USP8: variants seen among roughly 807,000 people sequenced by gnomAD.
USP8 encodes the protein ubiquitin carboxyl-terminal hydrolase 8.
In USP8, 27 loss-of-function variants were observed where a neutral mutation model predicts 130.0. The observed-to-expected ratio is 0.21, with a 90% CI of 0.15 to 0.29. The LOEUF (loss-of-function observed/expected upper bound fraction) is 0.29, where lower values mean the gene tolerates loss of function less well. Ranked by LOEUF, USP8 falls within the 10% of genes least tolerant of loss-of-function variation. USP8 has a pLI of 1.00. For missense variants in USP8, 1,029 were observed against 1,312.2 expected (o/e 0.78, Z 3.33); for synonymous variants, 392 against 444.1 (o/e 0.88, Z 1.48).
chr15:50,465,294 G>C, intron 7 of USP8, 103 bp downstream of exon 7: 1 of 1,038,534 alleles, frequency 9.6e-7, no homozygotes. Context: ...TGATAAAGTA[G>C]TCTTTTCCTG....
intron 2 of USP8, among the ~76,000 whole-genome samples, chr15:50,440,231 G>A (rs2050211017): frequency 1.3e-5 from 2 of 152,230 alleles, no homozygotes; most frequent in Non-Finnish European, 2.9e-5. Context: ...GAAAGATAAA[G>A]CCACCTTTAG....
At position 50,512,756 on chromosome 15, in the gene USP8, C is replaced by G. The variant is rs2052754234; in HGVS notation, c.*13668C>G. 1 of 152,156 alleles carries G rather than the reference C, an allele frequency of 6.6e-6. No individual in the cohort carries two copies. The highest frequency in any genetic ancestry group is 1.5e-5 in the Non-Finnish European group (1 of 68,090). The allele number at this position is 152,156 out of a possible 1,614,324, so 9.4% of individuals were successfully genotyped here. A position where few individuals can be genotyped will look rare whatever the true frequency, so the allele number is the denominator to read the frequency against. On this transcript the variant is annotated 3_prime_UTR_variant, in exon 20 of 20. Coordinates refer to ENST00000307179, the MANE Select transcript of USP8 (RefSeq NM_005154.5). ...GCAGTGAGCCGAGATCACACCACCG[C>G]ACTCCAGCCTGGGCGACAGAGCCAG...
chr15:50,459,288 A>G (rs1230865287), intron 5 of USP8, 126 bp downstream of exon 5: 1 of 1,327,052 alleles, frequency 7.5e-7, no homozygotes, highest in East Asian at 2.6e-5. Flanking sequence ...TGTTTTAATT[A>G]GAAATTTATT....
rs2051144041 is a variant in USP8 at position 50,465,128 on chromosome 15, A to C, written c.623A>C (p.Gln208Pro). The change falls in exon 7 of 20, where the codon CAG becomes CCG. Residue 208 changes from glutamine (Q) to proline (P), a missense_variant. Gln to Pro is a moderately conservative substitution (Grantham distance 76). Coordinates refer to ENST00000307179, the MANE Select transcript of USP8 (RefSeq NM_005154.5). Reference sequence around the variant, plus strand: ...ATTATAATGGATGCTCGAAGAATGCAGGATTATCAGGATTCCTGTATTTTA... The same window carrying C: ...ATTATAATGGATGCTCGAAGAATGCCGGATTATCAGGATTCCTGTATTTTA... ...SLIIMDARRM[Q>P]DYQDSCILHS... The C allele has an allele frequency of 1.2e-6, 2 of 1,613,924 alleles. No homozygotes were observed. Among genetic ancestry groups the C allele is most frequent in the African/African-American group, 2.7e-5 (2 of 74,930 alleles).
At position 50,477,230 on chromosome 15, in the gene USP8, A is replaced by G. The variant is rs776231741; in HGVS notation, c.995-46A>G. The stretch of plus-strand genomic sequence containing the variant: ...CGCATGAGAAATGTAAGTACTGTGT[A>G]TGGGGTTTGCTATTCTAAAAAACAT... On this transcript the variant is annotated intron_variant, in intron 9 of 19. Coordinates refer to ENST00000307179, the MANE Select transcript of USP8 (RefSeq NM_005154.5). 7 of 1,530,840 alleles carry G rather than the reference A, an allele frequency of 4.6e-6. No individual in the cohort carries two copies. In the East Asian group the frequency reaches 1.6e-4, roughly 35 times the overall value. The allele number at this position is 1,530,840 out of a possible 1,614,324, so 94.8% of individuals were successfully genotyped here.
At chr15:50,458,021 T>TTC (rs556941583) in intron 4 of USP8, among the ~76,000 whole-genome samples, 1 of 152,156 alleles carries the variant, frequency 6.6e-6, no homozygotes, top group Admixed American at 6.6e-5. Context: ...CTGTTTTATC[T>TTC]TCTCTCTCTC....
chr15:50,464,592 C>T (rs1487346346), intron 6 of USP8, among the ~76,000 whole-genome samples: 1 of 152,204 alleles, frequency 6.6e-6, no homozygotes, highest in Non-Finnish European at 1.5e-5. Context: ...TGTGGTGGCT[C>T]ACGCCTGTAA....
At chr15:50,434,259 C>T (rs764289016) in intron 1 of USP8, among the ~76,000 whole-genome samples, 2 of 151,776 alleles carry the variant, frequency 1.3e-5, no homozygotes, top group Admixed American at 1.3e-4. Flanking sequence ...TGCGCCACCA[C>T]GTCCGGCTAA....
In USP8 at chr15:50,489,879, A is replaced by G; in HGVS notation, c.1969A>G (p.Lys657Glu). Residue 657 changes from lysine to glutamate, a missense_variant and splice_region_variant, in exon 13 of 20, where the codon AAG (lysine) becomes GAG (glutamate). Coordinates refer to ENST00000307179, the MANE Select transcript of USP8 (RefSeq NM_005154.5). The part of the protein sequence containing the change: ...IVPGLPSGWA[K>E]FLDPITGTFR... ...ACCAGGACTGCCTTCAGGCTGGGCC[A>G]AGGTAAAAGTCAGAATTAGCAGTAA... 2 of 1,573,634 alleles carry G rather than the reference A, an allele frequency of 1.3e-6. No individual in the cohort carries two copies. The highest frequency in any genetic ancestry group is 1.7e-6 in the Non-Finnish European group (2 of 1,163,816).
intron 6 of USP8, among the ~76,000 whole-genome samples, chr15:50,463,114 T>C (rs1416043785): frequency 2.0e-5 from 3 of 152,054 alleles, no homozygotes; most frequent in Non-Finnish European, 4.4e-5. Context: ...CTGGGTGTGG[T>C]GGTGGATGCC....
At chr15:50,497,062 T>G (rs1179021807) in intron 17 of USP8, 27 bp from the exon 18 acceptor site, 1 of 1,582,220 alleles carries the variant, frequency 6.3e-7, no homozygotes, top group Non-Finnish European at 8.6e-7. Flanking sequence ...AATTAACGAG[T>G]ATCTGCTACT....
At chr15:50,492,521 G>C (rs959964171) in intron 14 of USP8, among the ~76,000 whole-genome samples, 180 bp from the exon 15 acceptor site, 1 of 152,166 alleles carries the variant, frequency 6.6e-6, no homozygotes, top group African/African-American at 2.4e-5. Context: ...TTAGTCGTAT[G>C]ACTAATGTTA....
intron 12 of USP8, 82 bp downstream of exon 12, chr15:50,484,443 A>G (rs4775889): frequency 0.16 from 182,306 of 1,105,046 alleles, 17,463 homozygotes; most frequent in Admixed American, 0.3. Context: ...CCACACTGCT[A>G]TCTTTTATCA....
chr15:50,481,594 T>C lies in USP8; in HGVS notation c.1332T>C (p.Arg444=). The C allele has an allele frequency of 6.2e-7, 1 of 1,614,132 alleles. No homozygotes were observed. The change falls in exon 11 of 20, where the codon CGT becomes CGC. Residue 444 remains arginine, a synonymous_variant. Coordinates refer to ENST00000307179, the MANE Select transcript of USP8 (RefSeq NM_005154.5). ...SPQSGKVIPD[R]STKPVVFSPT... The stretch of plus-strand genomic sequence containing the variant: ...AGAGTGGAAAAGTTATTCCTGATCG[T>C]TCCACCAAGCCAGTAGTTTTTTCTC...
In USP8 at chr15:50,499,000, A is replaced by T; in HGVS notation, c.3269A>T (p.Asp1090Val). ...WFKFDDHEVSDISVSSVKSSA... is the reference protein window; with the variant it reads ...WFKFDDHEVSVISVSSVKSSA... ...AAGTTTGATGATCATGAAGTTTCTG[A>T]TATCTCCGTTTCTTCTGTGAAATCT... The change falls in exon 20 of 20, where the codon GAT becomes GTT. Residue 1090 changes from aspartate (D) to valine (V), a missense_variant. Transcript: ENST00000307179. The T allele has an allele frequency of 1.9e-6, 3 of 1,613,966 alleles. No homozygotes were observed. Among genetic ancestry groups the T allele is most frequent in the Non-Finnish European group, 2.5e-6 (3 of 1,179,906 alleles).
At position 50,495,972 on chromosome 15, in the gene USP8, G is replaced by A; in HGVS notation, c.2783G>A (p.Gly928Asp). Residue 928 changes from glycine (G) to aspartate (D), a missense_variant, in exon 17 of 20, where the codon GGT (glycine) becomes GAT (aspartate). Coordinates refer to ENST00000307179, the MANE Select transcript of USP8 (RefSeq NM_005154.5). ...TCTATTATTGTTGCACTTTTTCAGG[G>A]TCAATTCAAATCTACAGTACAGTGC... ...NESIIVALFQ[G>D]QFKSTVQCLT... 6.2e-7 allele frequency: 1 copy of A among 1,613,790 alleles called. No individual in the cohort carries two copies. Among genetic ancestry groups the A allele is most frequent in the Non-Finnish European group, 8.5e-7 (1 of 1,180,012 alleles).
intron 3 of USP8, among the ~76,000 whole-genome samples, chr15:50,446,792 G>T (rs1010456296): frequency 1.3e-5 from 2 of 152,124 alleles, no homozygotes; most frequent in African/African-American, 2.4e-5. Context: ...TTGAGACAGG[G>T]TCTCACTCTG....
Position 50,493,022 on chromosome 15 carries a change from A to G in USP8, c.2447+109A>G, listed in dbSNP as rs767462625. 13 of 1,124,800 alleles carry G rather than the reference A, an allele frequency of 1.2e-5. No homozygotes were observed. The South Asian group carries it at 1.6e-4, about 14-fold the overall frequency. 69.7% of individuals were successfully genotyped at this position (1,124,800 alleles called of 1,614,324 possible). The stretch of plus-strand genomic sequence containing the variant: ...CTGCTATAACAAAATACCTAAGACT[A>G]GATAATTTGTAAAGAACAAAAATTT... On this transcript the variant is annotated intron_variant, in intron 15 of 19. Coordinates refer to ENST00000307179, the MANE Select transcript of USP8 (RefSeq NM_005154.5).
intron 3 of USP8, among the ~76,000 whole-genome samples, chr15:50,445,943 C>T (rs1207770502): frequency 1.3e-5 from 2 of 151,722 alleles, no homozygotes; most frequent in Admixed American, 6.6e-5. Flanking sequence ...CATTTTATTA[C>T]TTATCAAAAA....
Sources: gnomAD v4.1 joint callset for allele counts (sites outside exome capture counted in the v4.1 genomes callset) on GRCh38, gnomAD v4.1.1 for gene constraint, MANE v1.5 for transcripts, NCBI Gene and HGNC (gene_info 2026-07-23, HGNC 2026-07-21) for gene names.